Variants in ZFP1 observed in about 807,000 individuals in gnomAD.
The protein encoded by ZFP1 is ZFP1 zinc finger protein.
In ZFP1, 32 loss-of-function variants were observed where a neutral mutation model predicts 38.5. That is an observed-to-expected ratio of 0.83 (90% CI 0.63 to 1.12). ZFP1 has a LOEUF of 1.12. Ranked by LOEUF, ZFP1 falls within the 50% of genes most tolerant of loss-of-function variation. The probability of loss-of-function intolerance (pLI) is 0.00; values close to 1 mark genes in which losing one functional copy is unlikely to be tolerated. For synonymous variants in ZFP1, 245 were observed against 168.8 expected, an observed-to-expected ratio of 1.45 and a Z score of -3.50; for missense variants, 616 against 480.8, an observed-to-expected ratio of 1.28 and a Z score of -2.63.
the ZFP1 span, among the ~76,000 whole-genome samples, chr16:75,135,170 A>G: frequency 7.2e-5 from 10 of 138,776 alleles, no homozygotes; most frequent in African/African-American, 2.7e-4. Context: ...TGATCACAAC[A>G]CTGCACTCCA....
intron 2 of ZFP1, among the ~76,000 whole-genome samples, chr16:75,159,090 T>G (rs1483086869): frequency 1.3e-5 from 2 of 152,062 alleles, no homozygotes; most frequent in African/African-American, 4.8e-5. Context: ...AGACATGGAA[T>G]TTCGTTGTGT....
rs1383566246 is a variant in ZFP1 at position 75,164,469 on chromosome 16, C to G, written c.16-2301C>G. 8.5e-5 allele frequency among the ~76,000 whole-genome samples: 13 copies of G among 152,308 alleles called. No homozygotes were observed. The South Asian group carries it at 2.5e-3, about 29-fold the overall frequency. The stretch of plus-strand genomic sequence containing the variant: ...GTTTAAAACAACTTCCTTTCCCATT[C>G]CATATTTGCATACTTTTAATATGTT... On this transcript the variant is annotated intron_variant, in intron 2 of 3. Transcript: ENST00000570010.
At chr16:75,119,965 G>A in the ZFP1 span, among the ~76,000 whole-genome samples, 1 of 152,174 alleles carries the variant, frequency 6.6e-6, no homozygotes, top group Non-Finnish European at 1.5e-5. Context: ...TACACAACGA[G>A]GCCACCTTTT....
At chr16:75,133,425 C>T in the ZFP1 span, among the ~76,000 whole-genome samples, 2 of 152,142 alleles carry the variant, frequency 1.3e-5, no homozygotes, top group Non-Finnish European at 2.9e-5. Flanking sequence ...CTCCTCCCAC[C>T]CTCCACCGTC....
intron 3 of ZFP1, among the ~76,000 whole-genome samples, chr16:75,167,523 T>C (rs1205959015): frequency 6.6e-6 from 1 of 152,194 alleles, no homozygotes; most frequent in Non-Finnish European, 1.5e-5. Context: ...CCACCATTAA[T>C]GGGCACCTAG....
chr16:75,154,055 A>G (rs1186868382), intron 2 of ZFP1, among the ~76,000 whole-genome samples: 1 of 148,686 alleles, frequency 6.7e-6, no homozygotes, highest in Non-Finnish European at 1.5e-5. Flanking sequence ...CGTCTCTAGT[A>G]AAAAAAAAAG....
At chr16:75,134,747 C>T in the ZFP1 span, among the ~76,000 whole-genome samples, 5 of 128,938 alleles carry the variant, frequency 3.9e-5, no homozygotes, top group South Asian at 2.5e-4. Context: ...CAAGTCTCCG[C>T]CTCAAAAAAA....
At chr16:75,154,220 T>A (rs1244786049) in intron 2 of ZFP1, among the ~76,000 whole-genome samples, 2 of 58,116 alleles carry the variant, frequency 3.4e-5, no homozygotes, top group African/African-American at 7.6e-5. Context: ...CGAGACTTTG[T>A]CTCAAAAAAA....
chr16:75,164,465 C>T (rs1567535907), intron 2 of ZFP1, among the ~76,000 whole-genome samples: 2 of 152,184 alleles, frequency 1.3e-5, no homozygotes, highest in Non-Finnish European at 2.9e-5. Flanking sequence ...CTTCCTTTCC[C>T]ATTCCATATT....
the ZFP1 span, among the ~76,000 whole-genome samples, chr16:75,139,988 G>A: frequency 6.6e-6 from 1 of 152,162 alleles, no homozygotes; most frequent in East Asian, 1.9e-4. Flanking sequence ...GTTGAGGCTG[G>A]CCAGGCATAG....
chr16:75,139,406 A>G, the ZFP1 span, among the ~76,000 whole-genome samples: 9 of 145,546 alleles, frequency 6.2e-5, no homozygotes, highest in East Asian at 1.8e-3. Flanking sequence ...ACACCGTCAG[A>G]GCCAGTCGGG....
the ZFP1 span, among the ~76,000 whole-genome samples, chr16:75,130,362 CT>C: frequency 6.6e-6 from 1 of 152,098 alleles, no homozygotes; most frequent in South Asian, 2.1e-4. Context: ...TCCCCTGATT[CT>C]TTTTTTGAGG....
the ZFP1 span, among the ~76,000 whole-genome samples, chr16:75,122,704 C>T: frequency 3.8e-4 from 58 of 152,266 alleles, no homozygotes; most frequent in African/African-American, 1.1e-3. Flanking sequence ...TTAGGCAGTC[C>T]GGTCTATAGG....
chr16:75,135,260 C>A, the ZFP1 span, among the ~76,000 whole-genome samples: 2 of 130,124 alleles, frequency 1.5e-5, no homozygotes, highest in African/African-American at 5.8e-5. Flanking sequence ...AGAGATCCTT[C>A]ACTCATTCAT....
At position 75,170,014 on chromosome 16, in the gene ZFP1, G is replaced by A. The variant is rs1179734206; in HGVS notation, c.904G>A (p.Ala302Thr). ...GCGACCCTATGAGTGTAACGAATGT[G>A]CAAAAACCTTCTTTAAGAAGTCAAA... ...GERPYECNECAKTFFKKSNLI... is the reference protein window; with the variant it reads ...GERPYECNECTKTFFKKSNLI... The change falls in exon 4 of 4, where the codon GCA becomes ACA. Residue 302 changes from alanine to threonine, a missense_variant. Transcript: ENST00000570010. 2 of 1,614,044 alleles carry A rather than the reference G, an allele frequency of 1.2e-6. No individual in the cohort carries two copies. The highest frequency in any genetic ancestry group is 2.2e-5 in the South Asian group (2 of 91,084).
rs547259401 is a variant in ZFP1, at chr16:75,165,035, C to T, written c.16-1735C>T. Among the ~76,000 whole-genome samples the T allele has an allele frequency of 1.1e-3, 174 of 152,130 alleles. 2 individuals are homozygous for T. The highest frequency in any genetic ancestry group is 0.01 in the Middle Eastern group (3 of 292). On this transcript the variant is annotated intron_variant, in intron 2 of 3. Coordinates refer to ENST00000570010, the MANE Select transcript of ZFP1 (RefSeq NM_153688.4). ...GGTCAGGCTGGTTTTGAACTCATGA[C>T]CTCAGGTGATCCACCCACTTCAGCC...
At position 75,170,615 on chromosome 16, in the gene ZFP1, C is replaced by CA. The variant is rs2038373795; in HGVS notation, c.*282dup. The CA allele has an allele frequency of 9.4e-6, 3 of 319,056 alleles. No individual in the cohort carries two copies. The highest frequency in any genetic ancestry group is 2.1e-5 in the African/African-American group (1 of 47,102). 19.8% of individuals were successfully genotyped at this position (319,056 alleles called of 1,614,324 possible). ...TCTTGAATGAATTGAGTATTCTAGA[C>CA]AGCAGCATAAGAAATATACAAACAG... On this transcript the variant is annotated 3_prime_UTR_variant, in exon 4 of 4. Transcript: ENST00000570010.
At chr16:75,157,606 T>G (rs1483906295) in intron 2 of ZFP1, among the ~76,000 whole-genome samples, 1 of 152,078 alleles carries the variant, frequency 6.6e-6, no homozygotes, top group African/African-American at 2.4e-5. Context: ...CATTCCTCAG[T>G]TTAGTTCTGT....
intron 2 of ZFP1, among the ~76,000 whole-genome samples, chr16:75,162,245 C>T (rs958625372): frequency 6.6e-6 from 1 of 151,978 alleles, no homozygotes; most frequent in African/African-American, 2.4e-5. Context: ...ACCTCAGCCC[C>T]CTATGTAGCT....
Sources: gnomAD v4.1 joint callset for allele counts (sites outside exome capture counted in the v4.1 genomes callset) on GRCh38, gnomAD v4.1.1 for gene constraint, MANE v1.5 for transcripts, NCBI Gene and HGNC (gene_info 2026-07-23, HGNC 2026-07-21) for gene names.